The following CDC42SE2 variants were observed in gnomAD, a reference collection of about 807,000 sequenced individuals.
The protein encoded by CDC42SE2 is CDC42 small effector 2.
Under a neutral mutation model 11.5 loss-of-function variants are expected in CDC42SE2, and 3 were observed. The observed-to-expected ratio is 0.26, with a 90% CI of 0.12 to 0.67. The LOEUF (loss-of-function observed/expected upper bound fraction) is 0.67, where lower values mean the gene tolerates loss of function less well. Among genes scored for constraint, CDC42SE2 ranks in the 30% least tolerant of loss-of-function variants. CDC42SE2 has a pLI of 0.80. For synonymous variants in CDC42SE2, 33 were observed against 34.8 expected (o/e 0.95, Z 0.18); for missense variants, 82 against 106.8 (o/e 0.77, Z 1.02).
chr5:131,299,468 A>G (rs1239675002), intron 1 of CDC42SE2, among the ~76,000 whole-genome samples: 7 of 152,174 alleles, frequency 4.6e-5, no homozygotes, highest in African/African-American at 1.4e-4. Context: ...TAAGGATAAC[A>G]TGCTTGTTTC....
the CDC42SE2 span, among the ~76,000 whole-genome samples, chr5:131,217,582 T>C: frequency 6.6e-6 from 1 of 152,178 alleles, no homozygotes; most frequent in East Asian, 1.9e-4. Flanking sequence ...TTGAATGGTA[T>C]GTAGATCTAA....
chr5:131,229,979 C>A, the CDC42SE2 span, among the ~76,000 whole-genome samples: 2 of 152,290 alleles, frequency 1.3e-5, no homozygotes, highest in East Asian at 3.9e-4. Context: ...TCTATGTACA[C>A]AGAGCCAAGA....
chr5:131,342,388 C>CTTTTTTTTTTTTTT lies in CDC42SE2; in HGVS notation c.-285-16815_-285-16802dup, dbSNP rs35818778. On this transcript the variant is annotated intron_variant, in intron 2 of 4. Coordinates refer to ENST00000505065, the MANE Select transcript of CDC42SE2 (RefSeq NM_001375635.1). ...TCAGAGATTTGCCATTTTTAATAGT[C>CTTTTTTTTTTTTTT]TTTTTTTTTTTTTTTTTTTAAGATA... Among the ~76,000 whole-genome samples the CTTTTTTTTTTTTTT allele has an allele frequency of 5.4e-4, 60 of 111,302 alleles. 4 individuals are homozygous for CTTTTTTTTTTTTTT. The highest frequency in any genetic ancestry group is 2.4e-3 in the African/African-American group (55 of 22,566). 73.0% of individuals were successfully genotyped at this position (111,302 alleles called of 152,430 possible).
intron 1 of CDC42SE2, among the ~76,000 whole-genome samples, chr5:131,290,019 T>A (rs1473207594): frequency 1.3e-5 from 2 of 152,098 alleles, no homozygotes; most frequent in African/African-American, 4.8e-5. Context: ...ATTATTTTAT[T>A]TTACTTTTGT....
chr5:131,328,517 C>T (rs1057041462), intron 2 of CDC42SE2, among the ~76,000 whole-genome samples: 3 of 152,052 alleles, frequency 2.0e-5, no homozygotes, highest in African/African-American at 7.2e-5. Flanking sequence ...ACTCTGTTAC[C>T]TGGATATTGT....
At chr5:131,241,136 G>A (rs1489416650), upstream of CDC42SE2, among the ~76,000 whole-genome samples, 4 of 152,104 alleles carry the variant, frequency 2.6e-5, no homozygotes, top group South Asian at 4.1e-4. Context: ...CCACCACCAC[G>A]CCCAGCTAGT....
upstream of CDC42SE2, among the ~76,000 whole-genome samples, chr5:131,261,798 C>T (rs1264606055): frequency 2.0e-5 from 3 of 148,456 alleles, no homozygotes; most frequent in Admixed American, 6.8e-5. Flanking sequence ...TGCAGAGAGC[C>T]GAGATAGCAC....
At chr5:131,307,895 C>T (rs1164929506) in intron 1 of CDC42SE2, among the ~76,000 whole-genome samples, 1 of 152,154 alleles carries the variant, frequency 6.6e-6, no homozygotes. Flanking sequence ...ATATCCTTCG[C>T]CCACTTTTTG....
intron 4 of CDC42SE2, among the ~76,000 whole-genome samples, chr5:131,390,119 A>G (rs1338638652): frequency 6.6e-6 from 1 of 152,232 alleles, no homozygotes; most frequent in Non-Finnish European, 1.5e-5. Flanking sequence ...TTTTACAGAT[A>G]AGAAGCCTGA....
intron 1 of CDC42SE2, among the ~76,000 whole-genome samples, chr5:131,250,579 G>A (rs772358161): frequency 8.5e-5 from 13 of 152,180 alleles, no homozygotes; most frequent in Non-Finnish European, 1.8e-4. Context: ...GCCAGGGTAG[G>A]GGGAGGTGGG....
chr5:131,280,221 T>A (rs1757210044), intron 1 of CDC42SE2, among the ~76,000 whole-genome samples: 1 of 152,216 alleles, frequency 6.6e-6, no homozygotes, highest in East Asian at 1.9e-4. Context: ...TATTCTCTTT[T>A]ATGCACACAC....
At chr5:131,244,742 A>G (rs145169545), upstream of CDC42SE2, among the ~76,000 whole-genome samples, 1,068 of 152,230 alleles carry the variant, frequency 7.0e-3, 10 homozygotes, top group African/African-American at 0.021. Context: ...GCTGAGGAAT[A>G]TGCTCCAAGA....
intron 2 of CDC42SE2, among the ~76,000 whole-genome samples, chr5:131,329,877 CTCAAAAAAAAAAAAAAAAAAAAAAA>C: frequency 5.3e-5 from 1 of 18,702 alleles, no homozygotes; most frequent in Non-Finnish European, 1.4e-4. Context: ...GAAACTCCAT[CTCAAAAAAAAAAAAAAAAAAAAAAA>C]AAAAAAAAAA....
intron 2 of CDC42SE2, among the ~76,000 whole-genome samples, chr5:131,329,680 A>G (rs1758374462): frequency 6.6e-6 from 1 of 151,864 alleles, no homozygotes; most frequent in Admixed American, 6.6e-5. Context: ...GGAGTTCAAG[A>G]CCAACCTGGC....
intron 1 of CDC42SE2, among the ~76,000 whole-genome samples, chr5:131,254,170 G>A (rs1756661788): frequency 6.6e-6 from 1 of 152,114 alleles, no homozygotes; most frequent in South Asian, 2.1e-4. Context: ...TTCTCCTAAT[G>A]CTATCCCTTC....
intron 1 of CDC42SE2, among the ~76,000 whole-genome samples, chr5:131,277,571 A>G (rs1757129773): frequency 6.6e-6 from 1 of 152,192 alleles, no homozygotes; most frequent in South Asian, 2.1e-4. Context: ...ATTTGGCCCT[A>G]ACAGCCTATT....
At chr5:131,300,761 T>C (rs9327607) in intron 1 of CDC42SE2, among the ~76,000 whole-genome samples, 114,505 of 148,782 alleles carry the variant, frequency 0.77, 44,316 homozygotes, top group African/African-American at 0.82. Flanking sequence ...CCAGCCTGGG[T>C]GACAGAGCGA....
intron 1 of CDC42SE2, among the ~76,000 whole-genome samples, chr5:131,314,250 G>C (rs1456263111): frequency 9.2e-5 from 13 of 141,486 alleles, no homozygotes; most frequent in Non-Finnish European, 1.5e-4. Context: ...TTTTTTTTTG[G>C]AGACAGGATC....
chr5:131,244,007 A>G (rs919633432), upstream of CDC42SE2, among the ~76,000 whole-genome samples: 7 of 152,184 alleles, frequency 4.6e-5, no homozygotes, highest in African/African-American at 1.7e-4. Context: ...AGAATGGAAA[A>G]ACTTTGACCA....
Sources: gnomAD v4.1 joint callset for allele counts (sites outside exome capture counted in the v4.1 genomes callset) on GRCh38, gnomAD v4.1.1 for gene constraint, MANE v1.5 for transcripts, NCBI Gene and HGNC (gene_info 2026-07-23, HGNC 2026-07-21) for gene names.